The following TLCD3A variants were observed in gnomAD, a reference collection of about 807,000 sequenced individuals.
TLCD3A encodes the protein TLC domain-containing protein 3A.
A neutral mutation model predicts 29.9 loss-of-function variants in TLCD3A; 17 were observed. That is an observed-to-expected ratio of 0.57 (90% CI 0.39 to 0.85). The LOEUF (loss-of-function observed/expected upper bound fraction) is 0.85, where lower values mean the gene tolerates loss of function less well. Ranked by LOEUF, TLCD3A falls within the 40% of genes least tolerant of loss-of-function variation. TLCD3A has a pLI of 0.00. For synonymous variants in TLCD3A, 143 were observed against 147.7 expected (o/e 0.97, Z 0.23); for missense variants, 332 against 350.8 (o/e 0.95, Z 0.43).
intron 2 of TLCD3A, among the ~76,000 whole-genome samples, chr17:734,591 G>A (rs1458146665): frequency 6.6e-6 from 1 of 152,086 alleles, no homozygotes; most frequent in Non-Finnish European, 1.5e-5. Context: ...TGGGATTATA[G>A]GCGTGAGCCA....
intron 3 of TLCD3A, among the ~76,000 whole-genome samples, chr17:739,835 C>T (rs891371154): frequency 1.3e-5 from 2 of 152,122 alleles, no homozygotes; most frequent in Admixed American, 6.5e-5. Flanking sequence ...TAATCCCAGT[C>T]AGAAGTTCGA....
In TLCD3A at chr17:737,924, A is replaced by G. The variant is rs775619754; in HGVS notation, c.285A>G (p.Glu95=). 6.2e-7 allele frequency: 1 copy of G among 1,613,936 alleles called. No individual in the cohort carries two copies. The highest frequency in any genetic ancestry group is 2.2e-5 in the East Asian group (1 of 44,858). Residue 95 remains glutamate, a synonymous_variant, in exon 3 of 5, where the codon GAA becomes GAG. Coordinates refer to ENST00000308278, the MANE Select transcript of TLCD3A (RefSeq NM_024792.3). ...ACTCGTACGCCATGTACCTCTGTGA[A>G]TGGTGCCGAACCAGAGACCAGAACC... The part of the protein sequence containing the change: ...IYDSYAMYLC[E]WCRTRDQNRA...
intron 3 of TLCD3A, among the ~76,000 whole-genome samples, chr17:740,109 G>C (rs1036600188): frequency 6.6e-6 from 1 of 152,174 alleles, no homozygotes; most frequent in Non-Finnish European, 1.5e-5. Flanking sequence ...AGAAGTGTCT[G>C]GGACCTACCA....
Position 732,675 on chromosome 17 carries a change from C to A in TLCD3A, c.28C>A (p.Leu10Ile). 7.1e-7 allele frequency: 1 copy of A among 1,404,510 alleles called. No homozygotes were observed. Among genetic ancestry groups the A allele is most frequent in the Non-Finnish European group, 9.3e-7 (1 of 1,076,092 alleles). The allele number at this position is 1,404,510 out of a possible 1,614,324, so 87.0% of individuals were successfully genotyped here. The change falls in exon 1 of 5, where the codon CTC becomes ATC. Residue 10 changes from leucine to isoleucine, a missense_variant. By Grantham distance (5) the Leu-to-Ile change is conservative (BLOSUM62 2). Coordinates refer to ENST00000308278, the MANE Select transcript of TLCD3A (RefSeq NM_024792.3). MLLTLAGGA[L>I]FFPGLFALCT... ...GCTGCTGACGCTGGCCGGGGGCGCG[C>A]TCTTCTTCCCGGGGCTCTTCGCGCT... is the stretch of plus-strand genomic sequence containing the variant.
rs571050432 is a variant in TLCD3A at position 737,876 on chromosome 17, T to A, written c.237T>A (p.Phe79Leu). Residue 79 changes from phenylalanine (F) to leucine (L), a missense_variant, in exon 3 of 5, where the codon TTT becomes TTA. Coordinates refer to ENST00000308278, the MANE Select transcript of TLCD3A (RefSeq NM_024792.3). Reference protein sequence around the residue: ...RHWLAREYVWFLIPYMIYDSY... With the variant: ...RHWLAREYVWLLIPYMIYDSY... The stretch of plus-strand genomic sequence containing the variant: ...GGCTTGCCCGGGAATATGTGTGGTT[T>A]CTGATTCCATACATGATCTATGACT... The A allele has an allele frequency of 3.3e-5, 53 of 1,614,178 alleles. No individual in the cohort carries two copies. In the South Asian group the frequency reaches 5.4e-4, roughly 16 times the overall value.
At chr17:737,711 CTGTT>C in intron 2 of TLCD3A, 131 bp from the exon 3 acceptor site, 1 of 884,776 alleles carries the variant, frequency 1.1e-6, no homozygotes, top group South Asian at 1.6e-5. Flanking sequence ...TCTACTCTCC[CTGTT>C]TATCAGTTTC....
Position 732,596 on chromosome 17 carries a change from G to A in TLCD3A, c.-52G>A, listed in dbSNP as rs533231896. 9.4e-6 allele frequency: 11 copies of A among 1,166,440 alleles called. No homozygotes were observed. Among genetic ancestry groups the A allele is most frequent in the Non-Finnish European group, 1.2e-5 (11 of 942,386 alleles). The allele number at this position is 1,166,440 out of a possible 1,614,324, so 72.3% of individuals were successfully genotyped here. On this transcript the variant is annotated 5_prime_UTR_variant, in exon 1 of 5. Coordinates refer to ENST00000308278, the MANE Select transcript of TLCD3A (RefSeq NM_024792.3). ...TCGCGCGGCCGGGCCGGGGCGCGCC[G>A]AGCCGAACCCAGCCACGCGGCGCCA... is the stretch of plus-strand genomic sequence containing the variant.
intron 2 of TLCD3A, among the ~76,000 whole-genome samples, chr17:735,804 TAAAAAG>T (rs989504442): frequency 5.4e-5 from 8 of 148,774 alleles, no homozygotes; most frequent in Non-Finnish European, 1.2e-4. Flanking sequence ...CATCGCTACT[TAAAAAG>T]AAAAAAAAAA....
chr17:736,364 T>C (rs2750002), intron 2 of TLCD3A, among the ~76,000 whole-genome samples: 131,656 of 152,240 alleles, frequency 0.86, 57,172 homozygotes, highest in African/African-American at 0.95. Flanking sequence ...TTGCTGACCA[T>C]GTGAATGGAA....
chr17:736,053 T>C (rs980233518), intron 2 of TLCD3A, among the ~76,000 whole-genome samples: 1 of 151,198 alleles, frequency 6.6e-6, no homozygotes, highest in East Asian at 1.9e-4. Context: ...TACTTGCCAT[T>C]ACTTGCTTGC....
At chr17:734,629 G>A (rs1488939118) in intron 2 of TLCD3A, among the ~76,000 whole-genome samples, 1 of 151,954 alleles carries the variant, frequency 6.6e-6, no homozygotes, top group African/African-American at 2.4e-5. Flanking sequence ...AGGCCTTTCA[G>A]GGTTCATATA....
intron 3 of TLCD3A, 104 bp downstream of exon 3, chr17:738,151 A>G (rs1974193858): frequency 1.1e-6 from 1 of 873,484 alleles, no homozygotes; most frequent in Non-Finnish European, 1.7e-6. Flanking sequence ...GCTGGAGTGC[A>G]GTGGTGTGAT....
At chr17:738,644 C>G (rs1462450351) in intron 3 of TLCD3A, among the ~76,000 whole-genome samples, 1 of 152,220 alleles carries the variant, frequency 6.6e-6, no homozygotes, top group African/African-American at 2.4e-5. Context: ...TGGATCACAG[C>G]TCACTGTAGC....
intron 2 of TLCD3A, among the ~76,000 whole-genome samples, chr17:734,570 T>C (rs968765316): frequency 1.4e-4 from 21 of 152,160 alleles, no homozygotes; most frequent in African/African-American, 4.3e-4. Context: ...TGCCTGGGCC[T>C]CCCAAAGTGT....
In TLCD3A at chr17:733,078, G is replaced by A. The variant is rs760488047; in HGVS notation, c.123-20G>A. 6.9e-7 allele frequency: 1 copy of A among 1,449,140 alleles called. No homozygotes were observed. The highest frequency in any genetic ancestry group is 1.6e-5 in the African/African-American group (1 of 63,080). The allele number at this position is 1,449,140 out of a possible 1,614,324, so 89.8% of individuals were successfully genotyped here. On this transcript the variant is annotated intron_variant, in intron 1 of 4. Transcript: ENST00000308278. ...TCGGACCGGACTGAGCGCGCGCGCT[G>A]TTCTCTCCGCCCGCGCTAGGCTGGT... is the stretch of plus-strand genomic sequence containing the variant.
chr17:733,454 G>T (rs555702041), intron 2 of TLCD3A, among the ~76,000 whole-genome samples: 2 of 152,322 alleles, frequency 1.3e-5, no homozygotes, highest in African/African-American at 4.8e-5. Flanking sequence ...AAGCATTTAC[G>T]ACTGGGAGTG....
At chr17:740,329 G>C (rs532452938) in intron 3 of TLCD3A, among the ~76,000 whole-genome samples, 176 bp from the exon 4 acceptor site, 1 of 152,312 alleles carries the variant, frequency 6.6e-6, no homozygotes, top group East Asian at 1.9e-4. Context: ...CTGGATCCTA[G>C]GGCTTGGACC....
chr17:738,048 G>A lies in TLCD3A; in HGVS notation c.408+1G>A, dbSNP rs758356459. 5 of 1,569,604 alleles carry A rather than the reference G, an allele frequency of 3.2e-6. No homozygotes were observed. In the Admixed American group the frequency reaches 8.6e-5, roughly 27 times the overall value. On this transcript the variant is annotated splice_donor_variant, in intron 3 of 4. Coordinates refer to ENST00000308278, the MANE Select transcript of TLCD3A (RefSeq NM_024792.3). LOFTEE classifies it high-confidence loss of function. ...CTTTGTCCTTGTGCCAGTCGCACAGGTATGGCCTTCCAGGACAGCAGACCA... is the reference window on the plus strand; with the variant it reads ...CTTTGTCCTTGTGCCAGTCGCACAGATATGGCCTTCCAGGACAGCAGACCA...
At chr17:733,441 T>C (rs1974107707) in intron 2 of TLCD3A, among the ~76,000 whole-genome samples, 2 of 152,170 alleles carry the variant, frequency 1.3e-5, no homozygotes. Context: ...GAGATAAGCG[T>C]GGAAGCATTT....
Sources: gnomAD v4.1 joint callset for allele counts (sites outside exome capture counted in the v4.1 genomes callset) on GRCh38, gnomAD v4.1.1 for gene constraint, MANE v1.5 for transcripts, NCBI Gene and HGNC (gene_info 2026-07-23, HGNC 2026-07-21) for gene names.